TUBGCP4: variants seen among roughly 807,000 people sequenced by gnomAD.
TUBGCP4 encodes the protein gamma-tubulin complex component 4.
A neutral mutation model predicts 91.6 loss-of-function variants in TUBGCP4; 54 were observed. The ratio of observed to expected loss-of-function variants is 0.59; its 90% CI spans 0.47 to 0.74. The LOEUF is 0.74. Among genes scored for constraint, TUBGCP4 ranks in the 30% least tolerant of loss-of-function variants. The probability of loss-of-function intolerance (pLI) is 0.00; values close to 1 mark genes in which losing one functional copy is unlikely to be tolerated. For synonymous variants in TUBGCP4, 297 were observed against 302.8 expected, an observed-to-expected ratio of 0.98 and a Z score of 0.20; for missense variants, 593 against 800.9, an observed-to-expected ratio of 0.74 and a Z score of 3.13.
rs1453771531 is a variant in TUBGCP4 at position 43,377,182 on chromosome 15, T to C, written c.384+115T>C. 13 of 860,556 alleles carry C rather than the reference T, an allele frequency of 1.5e-5. No individual in the cohort carries two copies. In the East Asian group the frequency reaches 2.7e-4, roughly 18 times the overall value. 53.3% of individuals were successfully genotyped at this position (860,556 alleles called of 1,614,324 possible). The stretch of plus-strand genomic sequence containing the variant: ...CTTCTGGATTCAGAGCCTAACATTT[T>C]ATATTTTGTGCATTTTGTATGTTTT... On this transcript the variant is annotated intron_variant, in intron 4 of 17. Transcript: ENST00000564079.
intron 3 of TUBGCP4, 23 bp from the exon 4 acceptor site, chr15:43,376,990 TA>T: frequency 6.3e-7 from 1 of 1,598,158 alleles, no homozygotes; most frequent in Non-Finnish European, 8.6e-7. Flanking sequence ...TGTGGAGCTC[TA>T]ATCACAAAGT....
In TUBGCP4 at chr15:43,408,253, G is replaced by T; in HGVS notation, c.*3039G>T. On this transcript the variant is annotated 3_prime_UTR_variant, in exon 18 of 18. Transcript: ENST00000564079. ...AGCACTTTGGGAGGCTGTCGTGGTT[G>T]GATCTCTTGGGCCTGGGAGTTCGAG... The T allele has an allele frequency of 1.5e-6, 1 of 680,042 alleles. No homozygotes were observed. Among genetic ancestry groups the T allele is most frequent in the Admixed American group, 3.0e-5 (1 of 33,174 alleles). 42.1% of individuals were successfully genotyped at this position (680,042 alleles called of 1,614,324 possible). A position where few individuals can be genotyped will look rare whatever the true frequency, so the allele number is the denominator to read the frequency against.
Position 43,371,304 on chromosome 15 carries a change from T to G in TUBGCP4, c.-51T>G, listed in dbSNP as rs1207408168. 3 of 1,576,852 alleles carry G rather than the reference T, an allele frequency of 1.9e-6. No homozygotes were observed. Among genetic ancestry groups the G allele is most frequent in the African/African-American group, 1.3e-5 (1 of 74,224 alleles). ...CACTCCCCTCGTGGTCGCCTGGAGGTGCGCTGGAGGAGGGGGTGACATAAC... is the reference window on the plus strand; with the variant it reads ...CACTCCCCTCGTGGTCGCCTGGAGGGGCGCTGGAGGAGGGGGTGACATAAC... On this transcript the variant is annotated 5_prime_UTR_variant, in exon 1 of 18. Transcript: ENST00000564079.
Position 43,406,655 on chromosome 15 carries a change from T to C in TUBGCP4, c.*1441T>C. On this transcript the variant is annotated 3_prime_UTR_variant, in exon 18 of 18. Coordinates refer to ENST00000564079, the MANE Select transcript of TUBGCP4 (RefSeq NM_014444.5). ...GAATGAGAAGCCATGCAGGGATCAG[T>C]GATGCCAGAGGAAGGGAAGGAACTG... 2.2e-6 allele frequency: 1 copy of C among 454,990 alleles called. No individual in the cohort carries two copies. The highest frequency in any genetic ancestry group is 4.4e-6 in the Non-Finnish European group (1 of 226,482). 28.2% of individuals were successfully genotyped at this position (454,990 alleles called of 1,614,324 possible).
intron 9 of TUBGCP4, among the ~76,000 whole-genome samples, chr15:43,390,493 T>C (rs1290916729): frequency 2.7e-5 from 4 of 149,898 alleles, no homozygotes; most frequent in Admixed American, 2.6e-4. Context: ...CAAGCTTTTG[T>C]TTTTAATCTT....
Position 43,409,095 on chromosome 15 carries a change from C to T in TUBGCP4, c.*3881C>T. The T allele has an allele frequency of 6.2e-7, 1 of 1,614,106 alleles. No homozygotes were observed. Among genetic ancestry groups the T allele is most frequent in the Non-Finnish European group, 8.5e-7 (1 of 1,179,974 alleles). On this transcript the variant is annotated 3_prime_UTR_variant, in exon 18 of 18. Transcript: ENST00000564079. ...TAGAAGACACTGGTAAGCTGTGTTACACTGCAAGAAAAGAAGCAGAGCCAA... is the reference window on the plus strand; with the variant it reads ...TAGAAGACACTGGTAAGCTGTGTTATACTGCAAGAAAAGAAGCAGAGCCAA...
chr15:43,388,538 T>C (rs2044418174), intron 9 of TUBGCP4, among the ~76,000 whole-genome samples: 1 of 152,258 alleles, frequency 6.6e-6, no homozygotes, highest in Non-Finnish European at 1.5e-5. Context: ...CTAGAGGGGT[T>C]GGTATCAGTT....
At chr15:43,401,624 C>A in intron 14 of TUBGCP4, 92 bp from the exon 15 acceptor site, 1 of 1,380,980 alleles carries the variant, frequency 7.2e-7, no homozygotes, top group Non-Finnish European at 1.0e-6. Flanking sequence ...TGAGTGGAGG[C>A]AAAGCATTTT....
At chr15:43,395,065 C>T (rs2044558580) in intron 9 of TUBGCP4, 42 bp from the exon 10 acceptor site, 1 of 1,607,012 alleles carries the variant, frequency 6.2e-7, no homozygotes, top group Non-Finnish European at 8.5e-7. Flanking sequence ...GGAGTTCTCA[C>T]TGTAATGAAA....
rs561685507 is a variant in TUBGCP4, at chr15:43,398,064, C to G, written c.1303C>G (p.Pro435Ala). 2.3e-5 allele frequency: 37 copies of G among 1,613,812 alleles called. No homozygotes were observed. The African/African-American group carries it at 3.3e-4, about 15-fold the overall frequency. ...HKDATQAREGPSRETSPREAP... is the reference protein window; with the variant it reads ...HKDATQAREGASRETSPREAP... ...AGATGCTACTCAGGCAAGAGAAGGG[C>G]CTTCTCGGGAAACTTCTCCCCGGGA... is the stretch of plus-strand genomic sequence containing the variant. The change falls in exon 13 of 18, where the codon CCT (proline) becomes GCT (alanine). Residue 435 changes from proline (P) to alanine (A), a missense_variant. Pro to Ala is a conservative substitution (Grantham distance 27). Coordinates refer to ENST00000564079, the MANE Select transcript of TUBGCP4 (RefSeq NM_014444.5).
intron 9 of TUBGCP4, chr15:43,394,566 C>G (rs558817948): frequency 6.6e-6 from 1 of 152,166 alleles, no homozygotes; most frequent in African/African-American, 2.4e-5. Context: ...CAGTTTTATA[C>G]CCAGGTCTAT....
At chr15:43,395,967 T>C (rs949535168) in intron 11 of TUBGCP4, among the ~76,000 whole-genome samples, 1 of 152,190 alleles carries the variant, frequency 6.6e-6, no homozygotes, top group African/African-American at 2.4e-5. Flanking sequence ...ATGGGCCATA[T>C]TGGGACTTAG....
chr15:43,407,927 ACACT>A lies in TUBGCP4; in HGVS notation c.*2715_*2718del. The stretch of plus-strand genomic sequence containing the variant: ...GATCCCTGGAACAAAGACACTACAC[ACACT>A]CTTTCAGGTACCTTTGTTATGGGCA... On this transcript the variant is annotated 3_prime_UTR_variant, in exon 18 of 18. Transcript: ENST00000564079. 6.2e-7 allele frequency: 1 copy of A among 1,607,404 alleles called. No homozygotes were observed. Among genetic ancestry groups the A allele is most frequent in the South Asian group, 1.1e-5 (1 of 90,670 alleles).
chr15:43,377,731 G>A (rs750036509), intron 4 of TUBGCP4, 116 bp from the exon 5 acceptor site: 6 of 812,000 alleles, frequency 7.4e-6, no homozygotes, highest in Non-Finnish European at 1.2e-5. Flanking sequence ...TGACTGTTCT[G>A]TGGTATTGCC....
chr15:43,407,852 ATT>A lies in TUBGCP4; in HGVS notation c.*2639_*2640del. On this transcript the variant is annotated 3_prime_UTR_variant, in exon 18 of 18. Transcript: ENST00000564079. ...TAAGAAACATGGATACGGTCAACCT[ATT>A]AGGCCTGAGCCTTGGACCACAAGGC... 1.5e-6 allele frequency: 2 copies of A among 1,312,210 alleles called. No individual in the cohort carries two copies. The highest frequency in any genetic ancestry group is 2.1e-6 in the Non-Finnish European group (2 of 957,878). 81.3% of individuals were successfully genotyped at this position (1,312,210 alleles called of 1,614,324 possible). A position where few individuals can be genotyped will look rare whatever the true frequency, so the allele number is the denominator to read the frequency against.
At chr15:43,382,266 T>C (rs914151210) in intron 6 of TUBGCP4, among the ~76,000 whole-genome samples, 6 of 152,148 alleles carry the variant, frequency 3.9e-5, no homozygotes, top group African/African-American at 1.2e-4. Context: ...GATTCTCTTA[T>C]AGAACATCAA....
At position 43,386,301 on chromosome 15, in the gene TUBGCP4, G is replaced by A. The variant is rs1240912374; in HGVS notation, c.985G>A (p.Val329Met). The stretch of plus-strand genomic sequence containing the variant: ...CAGCTTGGTGGACTTTGAACAGGTG[G>A]TGGATCGCATTCGCAGCACTGTGGC... ...LFSLVDFEQV[V>M]DRIRSTVAEH... is the part of the protein sequence containing the mutation. Residue 329 changes from valine (V) to methionine (M), a missense_variant, in exon 9 of 18, where the codon GTG becomes ATG. By Grantham distance (21) the Val-to-Met change is conservative. Coordinates refer to ENST00000564079, the MANE Select transcript of TUBGCP4 (RefSeq NM_014444.5). 1.9e-6 allele frequency: 3 copies of A among 1,573,774 alleles called. No individual in the cohort carries two copies. The highest frequency in any genetic ancestry group is 1.1e-5 in the South Asian group (1 of 89,608).
intron 11 of TUBGCP4, 81 bp from the exon 12 acceptor site, chr15:43,397,133 G>A (rs1033775480): frequency 8.6e-6 from 8 of 931,958 alleles, no homozygotes; most frequent in Non-Finnish European, 1.4e-5. Flanking sequence ...GAGCATGTTG[G>A]GGGAGAAGTG....
rs2044881556 is a variant in TUBGCP4, at chr15:43,406,432, A to C, written c.*1218A>C. 1.4e-5 allele frequency: 5 copies of C among 346,742 alleles called. No homozygotes were observed. Among genetic ancestry groups the C allele is most frequent in the Non-Finnish European group, 2.8e-5 (5 of 175,764 alleles). The allele number at this position is 346,742 out of a possible 1,614,324, so 21.5% of individuals were successfully genotyped here. Reference sequence around the variant, plus strand: ...TGCTGTCTCTGGAGCAGGAGCTGGCAAACTATGGCCTGCTGTCTGTTTTTG... The same window carrying C: ...TGCTGTCTCTGGAGCAGGAGCTGGCCAACTATGGCCTGCTGTCTGTTTTTG... On this transcript the variant is annotated 3_prime_UTR_variant, in exon 18 of 18. Transcript: ENST00000564079.
Sources: allele counts gnomAD v4.1 joint callset (sites outside exome capture counted in the v4.1 genomes callset), GRCh38; gene constraint gnomAD v4.1.1; transcripts MANE v1.5; gene names NCBI Gene and HGNC (gene_info 2026-07-23, HGNC 2026-07-21).